The following RPE65 variants were observed in gnomAD, a reference collection of about 807,000 sequenced individuals.
The protein encoded by RPE65 is retinoid isomerohydrolase.
RPE65 carries 58 observed loss-of-function variants against 68.5 expected under a neutral mutation model. The observed-to-expected ratio is 0.85, with a 90% CI of 0.69 to 1.05. The LOEUF (loss-of-function observed/expected upper bound fraction) is 1.05. Ranked by LOEUF, RPE65 falls within the 50% of genes least tolerant of loss-of-function variation. The pLI, the probability that RPE65 is intolerant of heterozygous loss-of-function variation, is 0.00. For synonymous variants in RPE65, 220 were observed against 222.2 expected, an observed-to-expected ratio of 0.99 and a Z score of 0.09; for missense variants, 643 against 629.9, an observed-to-expected ratio of 1.02 and a Z score of -0.22.
intron 10 of RPE65, among the ~76,000 whole-genome samples, chr1:68,431,846 T>C (rs1645829430): frequency 6.6e-6 from 1 of 151,850 alleles, no homozygotes; most frequent in African/African-American, 2.4e-5. Context: ...GAGACCATCC[T>C]TGAAGAAAAT....
intron 1 of RPE65, among the ~76,000 whole-genome samples, chr1:68,449,504 C>T (rs559826144): frequency 1.3e-5 from 2 of 152,292 alleles, no homozygotes; most frequent in South Asian, 2.1e-4. Flanking sequence ...GGTATTATCT[C>T]TTTTAAATCT....
intron 3 of RPE65, 77 bp from the exon 4 acceptor site, chr1:68,444,960 T>G (rs993595159): frequency 7.8e-6 from 9 of 1,160,866 alleles, no homozygotes; most frequent in Non-Finnish European, 1.2e-5. Flanking sequence ...AGAATGGCCA[T>G]TCTATGTGTC....
At chr1:68,434,059 T>C (rs1645844080) in intron 10 of RPE65, among the ~76,000 whole-genome samples, 1 of 148,820 alleles carries the variant, frequency 6.7e-6, no homozygotes, top group African/African-American at 2.5e-5. Flanking sequence ...AGGAGTATAG[T>C]CTTAAGTAGT....
chr1:68,432,083 T>C (rs569314330), intron 10 of RPE65, among the ~76,000 whole-genome samples: 2 of 150,046 alleles, frequency 1.3e-5, no homozygotes, highest in African/African-American at 4.9e-5. Flanking sequence ...AAAAAAACGC[T>C]GGACCATATG....
intron 3 of RPE65, among the ~76,000 whole-genome samples, chr1:68,445,209 C>T (rs1208895383): frequency 6.6e-6 from 1 of 152,050 alleles, no homozygotes; most frequent in African/African-American, 2.4e-5. Context: ...TATATCACAC[C>T]ATGCAGCCCT....
At chr1:68,429,991 T>C (rs1645814784) in intron 13 of RPE65, 64 bp from the exon 14 acceptor site, 13 of 1,591,382 alleles carry the variant, frequency 8.2e-6, no homozygotes, top group Admixed American at 1.7e-5. Context: ...AGATTGAATG[T>C]CATTGAAATA....
chr1:68,444,398 G>T, intron 5 of RPE65, 133 bp downstream of exon 5: 1 of 1,166,202 alleles, frequency 8.6e-7, no homozygotes, highest in Non-Finnish European at 1.3e-6. Context: ...CAGTCCATTT[G>T]GAGCTTGGAA....
At chr1:68,440,476 A>G (rs886520996) in intron 6 of RPE65, among the ~76,000 whole-genome samples, 1 of 152,230 alleles carries the variant, frequency 6.6e-6, no homozygotes, top group African/African-American at 2.4e-5. Context: ...ATATGTATGT[A>G]TGCTATTATG....
intron 10 of RPE65, among the ~76,000 whole-genome samples, chr1:68,433,533 C>G (rs1288145926): frequency 6.6e-6 from 1 of 151,950 alleles, no homozygotes; most frequent in East Asian, 1.9e-4. Context: ...TCATTTGTTT[C>G]AGAGAAAAAG....
At chr1:68,432,111 T>TCA (rs1017815933) in intron 10 of RPE65, among the ~76,000 whole-genome samples, 2 of 151,648 alleles carry the variant, frequency 1.3e-5, no homozygotes, top group Admixed American at 6.6e-5. Context: ...AGATCTCTTG[T>TCA]CACACACACA....
At chr1:68,434,877 C>T (rs1555846) in intron 10 of RPE65, among the ~76,000 whole-genome samples, 13,418 of 152,066 alleles carry the variant, frequency 0.088, 877 homozygotes, top group East Asian at 0.24. Context: ...AATCCTCCTG[C>T]CTCAGTCTTC....
rs1645970286 is a variant in RPE65 at position 68,449,827 on chromosome 1, C to T, written c.11+68G>A. The stretch of plus-strand genomic sequence containing the variant: ...TTAATCAATGCCTTCTCTTCAGGAG[C>T]CCTTGAAATAGCACATTTATCATGA... On this transcript the variant is annotated intron_variant, in intron 1 of 13. Transcript: ENST00000262340. 5.2e-6 allele frequency: 8 copies of T among 1,542,626 alleles called. No individual in the cohort carries two copies. The South Asian group carries it at 6.7e-5, about 13-fold the overall frequency.
At chr1:68,436,642 G>GT (rs1308459750) in intron 10 of RPE65, among the ~76,000 whole-genome samples, 1 of 151,678 alleles carries the variant, frequency 6.6e-6, no homozygotes, top group Non-Finnish European at 1.5e-5. Flanking sequence ...CTAATTTTGT[G>GT]TTTTTAGTAA....
At position 68,429,737 on chromosome 1, in the gene RPE65, T is replaced by A. The variant is rs1645806622; in HGVS notation, c.*39A>T. On this transcript the variant is annotated 3_prime_UTR_variant, in exon 14 of 14. Transcript: ENST00000262340. ...GATTGCAGACCTGAAGCTGATTTTC[T>A]CAGTTTTGCTACCAAAAACATATCT... 1 of 1,612,710 alleles carries A rather than the reference T, an allele frequency of 6.2e-7. No homozygotes were observed. The highest frequency in any genetic ancestry group is 8.5e-7 in the Non-Finnish European group (1 of 1,179,250).
intron 10 of RPE65, among the ~76,000 whole-genome samples, chr1:68,436,548 A>G (rs1223779550): frequency 2.0e-5 from 3 of 151,708 alleles, no homozygotes; most frequent in Non-Finnish European, 4.4e-5. Flanking sequence ...GGCTCACTGC[A>G]ACCTCTGCCT....
At chr1:68,447,584 G>A (rs1437752854) in intron 2 of RPE65, among the ~76,000 whole-genome samples, 1 of 152,146 alleles carries the variant, frequency 6.6e-6, no homozygotes, top group Non-Finnish European at 1.5e-5. Flanking sequence ...AGGTAGGGCC[G>A]GGCGCGGTGG....
intron 1 of RPE65, among the ~76,000 whole-genome samples, chr1:68,449,034 C>T (rs192622985): frequency 1.5e-4 from 23 of 152,106 alleles, no homozygotes; most frequent in Admixed American, 8.5e-4. Flanking sequence ...TTCCTTACTT[C>T]GGAAGACAAA....
chr1:68,448,828 G>T, intron 1 of RPE65, 122 bp from the exon 2 acceptor site: 1 of 400,876 alleles, frequency 2.5e-6, no homozygotes, highest in Non-Finnish European at 5.0e-6. Flanking sequence ...ACTCCTGCCG[G>T]TCTAGTCTCA....
intron 10 of RPE65, among the ~76,000 whole-genome samples, chr1:68,431,967 C>A (rs532767682): frequency 1.3e-5 from 2 of 150,538 alleles, no homozygotes; most frequent in African/African-American, 4.9e-5. Context: ...ACAAAGACTT[C>A]GACTGCCTGA....
Sources: gnomAD v4.1 joint callset for allele counts (sites outside exome capture counted in the v4.1 genomes callset) on GRCh38, gnomAD v4.1.1 for gene constraint, MANE v1.5 for transcripts, NCBI Gene and HGNC (gene_info 2026-07-23, HGNC 2026-07-21) for gene names.